The following MORC3 variants were observed in gnomAD, a reference collection of about 807,000 sequenced individuals.
MORC3 encodes MORC family CW-type zinc finger 3, also known as MORC family CW-type zinc finger protein 3.
MORC3 carries 31 observed loss-of-function variants against 109.1 expected under a neutral mutation model. The ratio of observed to expected loss-of-function variants is 0.28; its 90% CI spans 0.21 to 0.38. MORC3 has a LOEUF of 0.38. MORC3 is among the 10% of genes least tolerant of loss of function. The pLI is 1.00. For synonymous variants in MORC3, 395 were observed against 380.7 expected, an observed-to-expected ratio of 1.04 and a Z score of -0.44; for missense variants, 867 against 1,135.8, an observed-to-expected ratio of 0.76 and a Z score of 3.40.
intron 1 of MORC3, among the ~76,000 whole-genome samples, chr21:36,326,932 C>T (rs1351535394): frequency 6.6e-6 from 1 of 151,452 alleles, no homozygotes; most frequent in East Asian, 1.9e-4. Flanking sequence ...TCTTGTGCCT[C>T]AGCCTCCCTA....
Position 36,344,563 on chromosome 21 carries a change from TTA to T in MORC3, c.757-14_757-13del, listed in dbSNP as rs991458848. Reference sequence around the variant, plus strand: ...CAAACCTGTAGATACTAACTTCTTGTTATGTTATTTTCCAGGCTTATTGCAGT... The same window carrying T: ...CAAACCTGTAGATACTAACTTCTTGTTGTTATTTTCCAGGCTTATTGCAGT... On this transcript the variant is annotated splice_polypyrimidine_tract_variant and intron_variant, in intron 6 of 16. Coordinates refer to ENST00000400485, the MANE Select transcript of MORC3 (RefSeq NM_015358.3). The T allele has an allele frequency of 1.2e-6, 2 of 1,610,250 alleles. No homozygotes were observed. The highest frequency in any genetic ancestry group is 2.7e-5 in the African/African-American group (2 of 74,794).
intron 10 of MORC3, among the ~76,000 whole-genome samples, chr21:36,359,182 A>G (rs1231499956): frequency 1.3e-5 from 2 of 152,090 alleles, no homozygotes; most frequent in Non-Finnish European, 2.9e-5. Flanking sequence ...CACTAAACAT[A>G]AAGTTCAGGG....
intron 1 of MORC3, among the ~76,000 whole-genome samples, chr21:36,329,850 CT>C (rs915350501): frequency 7.3e-5 from 11 of 151,594 alleles, no homozygotes; most frequent in Admixed American, 2.6e-4. Context: ...TTTTTCTTTT[CT>C]TTTTTTGTTT....
chr21:36,336,470 C>T (rs1601516105), intron 2 of MORC3, among the ~76,000 whole-genome samples: 4 of 152,102 alleles, frequency 2.6e-5, no homozygotes, highest in Non-Finnish European at 4.4e-5. Flanking sequence ...TCTCAAACTC[C>T]TGACCTCAGG....
chr21:36,331,892 C>T (rs2085319491), intron 1 of MORC3, among the ~76,000 whole-genome samples: 1 of 152,198 alleles, frequency 6.6e-6, no homozygotes, highest in Non-Finnish European at 1.5e-5. Flanking sequence ...GCAATCCCAG[C>T]ACTTTGGGAG....
intron 14 of MORC3, among the ~76,000 whole-genome samples, chr21:36,367,080 G>A (rs1219708381): frequency 6.6e-6 from 1 of 152,190 alleles, no homozygotes; most frequent in African/African-American, 2.4e-5. Flanking sequence ...ACTTAAAGTC[G>A]AGACCTCTTT....
chr21:36,327,155 C>CTTTTTTTTTTTTTTTTT lies in MORC3; in HGVS notation c.40-6480_40-6464dup, dbSNP rs71326674. On this transcript the variant is annotated intron_variant, in intron 1 of 16. Transcript: ENST00000400485. The stretch of plus-strand genomic sequence containing the variant: ...TTAAAGATATTAATTGGCTTTATTT[C>CTTTTTTTTTTTTTTTTT]TTTTTTTTTTTTTTTTTTTTTTTTT... Among the ~76,000 whole-genome samples the CTTTTTTTTTTTTTTTTT allele has an allele frequency of 2.4e-5, 2 of 81,952 alleles. 1 individual carries two copies. The highest frequency in any genetic ancestry group is 1.1e-4 in the African/African-American group (2 of 17,840). The allele number at this position is 81,952 out of a possible 152,430, so 53.8% of individuals were successfully genotyped here. A position where few individuals can be genotyped will look rare whatever the true frequency, so the allele number is the denominator to read the frequency against.
intron 1 of MORC3, among the ~76,000 whole-genome samples, chr21:36,324,363 C>T (rs1382250820): frequency 3.3e-5 from 5 of 150,406 alleles, no homozygotes; most frequent in Admixed American, 1.3e-4. Context: ...CTGCAAGCTC[C>T]GCCTCCCAGG....
intron 1 of MORC3, among the ~76,000 whole-genome samples, chr21:36,324,810 C>T: frequency 6.8e-6 from 1 of 147,900 alleles, no homozygotes; most frequent in South Asian, 2.1e-4. Context: ...CAGGTTCAAG[C>T]AGTTCTCCTG....
intron 15 of MORC3, among the ~76,000 whole-genome samples, chr21:36,371,816 T>G (rs1421442916): frequency 9.0e-6 from 1 of 110,962 alleles, no homozygotes; most frequent in African/African-American, 5.8e-5. Context: ...TTTTGTTTTG[T>G]TTTTTTTTTT....
intron 1 of MORC3, among the ~76,000 whole-genome samples, chr21:36,324,281 T>G (rs1359229767): frequency 6.6e-6 from 1 of 151,760 alleles, no homozygotes; most frequent in Non-Finnish European, 1.5e-5. Context: ...AACTGTAGTT[T>G]TTTTTTTTTT....
intron 14 of MORC3, among the ~76,000 whole-genome samples, chr21:36,368,766 C>T (rs938129641): frequency 1.3e-5 from 2 of 152,038 alleles, no homozygotes; most frequent in East Asian, 3.9e-4. Flanking sequence ...AATCCCAGCT[C>T]CTCAGGAGGC....
intron 16 of MORC3, among the ~76,000 whole-genome samples, chr21:36,373,175 A>G (rs2085889408): frequency 6.6e-6 from 1 of 151,870 alleles, no homozygotes; most frequent in Non-Finnish European, 1.5e-5. Context: ...CCCTGTCTCT[A>G]CTAAAAGTAC....
chr21:36,324,960 C>T (rs1414937247), intron 1 of MORC3, among the ~76,000 whole-genome samples: 2 of 152,068 alleles, frequency 1.3e-5, no homozygotes, highest in Non-Finnish European at 2.9e-5. Context: ...CCACCCGCCT[C>T]GGCCTCCCAA....
intron 12 of MORC3, chr21:36,361,914 G>A (rs1396271794): frequency 2.1e-6 from 1 of 470,168 alleles, no homozygotes; most frequent in Non-Finnish European, 3.8e-6. Flanking sequence ...TAGTTCAAAA[G>A]CCTGTGATTC....
At chr21:36,338,639 C>A in intron 4 of MORC3, 135 bp from the exon 5 acceptor site, 1 of 840,178 alleles carries the variant, frequency 1.2e-6, no homozygotes, top group Non-Finnish European at 1.7e-6. Flanking sequence ...ATAGTGAGAC[C>A]CTATCTCACA....
intron 1 of MORC3, chr21:36,320,673 T>TGGGAGGGAGC (rs1424637006): frequency 4.8e-6 from 1 of 209,614 alleles, no homozygotes; most frequent in African/African-American, 2.3e-5. Flanking sequence ...GGCGTCGTGG[T>TGGGAGGGAGC]GGGAGGGAGC....
intron 1 of MORC3, among the ~76,000 whole-genome samples, chr21:36,328,784 T>C (rs2085278629): frequency 6.6e-6 from 1 of 151,866 alleles, no homozygotes; most frequent in Non-Finnish European, 1.5e-5. Flanking sequence ...GTCTGTAATA[T>C]CCTTTACATT....
At chr21:36,359,605 A>G (rs2085690103) in intron 10 of MORC3, among the ~76,000 whole-genome samples, 1 of 114,430 alleles carries the variant, frequency 8.7e-6, no homozygotes, top group Admixed American at 1.3e-4. Flanking sequence ...TCTGTAGCCT[A>G]GGCTGGAGGT....
Sources: gnomAD v4.1 joint callset for allele counts (sites outside exome capture counted in the v4.1 genomes callset) on GRCh38, gnomAD v4.1.1 for gene constraint, MANE v1.5 for transcripts, NCBI Gene and HGNC (gene_info 2026-07-23, HGNC 2026-07-21) for gene names.